The following ARB2A variants were observed in gnomAD, a reference collection of about 807,000 sequenced individuals.
ARB2A encodes the protein cotranscriptional regulator ARB2A.
chr5:93,788,895 A>G, the ARB2A span, among the ~76,000 whole-genome samples: 1 of 152,194 alleles, frequency 6.6e-6, no homozygotes, highest in African/African-American at 2.4e-5. Flanking sequence ...GAAACTCTAA[A>G]TTGGGATGGC....
the ARB2A span, among the ~76,000 whole-genome samples, chr5:93,696,123 G>A: frequency 4.6e-5 from 7 of 152,126 alleles, no homozygotes; most frequent in East Asian, 5.8e-4. Context: ...ACCGTGGCAC[G>A]TGTATACCTA....
chr5:93,720,666 C>A, the ARB2A span, among the ~76,000 whole-genome samples: 1 of 152,170 alleles, frequency 6.6e-6, no homozygotes, highest in Admixed American at 6.5e-5. Flanking sequence ...ATGTTAGTAA[C>A]TTGTGATAAG....
At chr5:93,971,928 C>G in the ARB2A span, among the ~76,000 whole-genome samples, 1 of 152,110 alleles carries the variant, frequency 6.6e-6, no homozygotes, top group African/African-American at 2.4e-5. Context: ...CTACCTGGGT[C>G]AAAGGAAATG....
chr5:93,981,069 A>ATT, the ARB2A span, among the ~76,000 whole-genome samples: 1,440 of 144,152 alleles, frequency 1.0e-2, 10 homozygotes, highest in Non-Finnish European at 0.012. Flanking sequence ...GTATTTCTTA[A>ATT]TTTTTTTTTT....
the ARB2A span, among the ~76,000 whole-genome samples, chr5:93,673,808 G>C: frequency 6.6e-6 from 1 of 151,806 alleles, no homozygotes; most frequent in Non-Finnish European, 1.5e-5. Flanking sequence ...CATGGACAAG[G>C]GTCATTAACA....
chr5:93,845,514 A>C, the ARB2A span, among the ~76,000 whole-genome samples: 2 of 152,250 alleles, frequency 1.3e-5, no homozygotes, highest in Non-Finnish European at 2.9e-5. Context: ...AAGAGGCAGT[A>C]AAAAACCAAG....
At chr5:93,875,757 C>T in the ARB2A span, among the ~76,000 whole-genome samples, 1 of 151,768 alleles carries the variant, frequency 6.6e-6, no homozygotes. Context: ...ACTAACTAAG[C>T]CTCTTTTTCT....
At chr5:93,770,484 G>C in the ARB2A span, among the ~76,000 whole-genome samples, 1 of 152,034 alleles carries the variant, frequency 6.6e-6, no homozygotes, top group Non-Finnish European at 1.5e-5. Flanking sequence ...AGGAAATAAA[G>C]GGTATTCAAT....
chr5:93,714,008 G>A, the ARB2A span, among the ~76,000 whole-genome samples: 2 of 152,284 alleles, frequency 1.3e-5, no homozygotes, highest in African/African-American at 4.8e-5. Flanking sequence ...TGTGCCTGTG[G>A]CCTCCAGCCT....
At chr5:93,810,811 C>A in the ARB2A span, among the ~76,000 whole-genome samples, 1 of 151,920 alleles carries the variant, frequency 6.6e-6, no homozygotes, top group Non-Finnish European at 1.5e-5. Flanking sequence ...GACTTTGGAG[C>A]CAGAAAGCCT....
chr5:93,887,139 C>T, the ARB2A span, among the ~76,000 whole-genome samples: 1 of 151,182 alleles, frequency 6.6e-6, no homozygotes, highest in Non-Finnish European at 1.5e-5. Context: ...ATGGTAGAGT[C>T]AGAAGGTCAT....
At chr5:94,055,731 T>C in the ARB2A span, 1 of 985,334 alleles carries the variant, frequency 1.0e-6, no homozygotes, top group East Asian at 1.1e-4. Flanking sequence ...GTAGCCAGAA[T>C]GTTCTCATTT....
At chr5:94,024,080 A>G in the ARB2A span, among the ~76,000 whole-genome samples, 3 of 152,214 alleles carry the variant, frequency 2.0e-5, no homozygotes, top group Admixed American at 6.5e-5. Flanking sequence ...ACTAAATCAC[A>G]TCTAGGTATG....
chr5:93,835,086 A>G, the ARB2A span, among the ~76,000 whole-genome samples: 34 of 151,760 alleles, frequency 2.2e-4, no homozygotes, highest in East Asian at 5.2e-3. Context: ...TAGGATATTT[A>G]CCCTAGAATT....
chr5:94,067,311 A>G, the ARB2A span, among the ~76,000 whole-genome samples: 14 of 152,240 alleles, frequency 9.2e-5, no homozygotes, highest in African/African-American at 3.1e-4. Context: ...CACTACTCCT[A>G]TTCAGCATGG....
chr5:93,672,639 T>A, the ARB2A span, among the ~76,000 whole-genome samples: 3 of 152,038 alleles, frequency 2.0e-5, no homozygotes, highest in Non-Finnish European at 4.4e-5. Flanking sequence ...CATTAAAAAA[T>A]TTAAGCTAAT....
At chr5:93,695,055 C>T in the ARB2A span, among the ~76,000 whole-genome samples, 16 of 152,304 alleles carry the variant, frequency 1.1e-4, no homozygotes, top group African/African-American at 3.6e-4. Flanking sequence ...GGATTAAAGA[C>T]TTAAACATAA....
At chr5:93,840,027 C>A in the ARB2A span, among the ~76,000 whole-genome samples, 1 of 152,248 alleles carries the variant, frequency 6.6e-6, no homozygotes, top group South Asian at 2.1e-4. Flanking sequence ...TTCAGTTCAG[C>A]TCTGATTTTG....
At chr5:93,953,964 A>G in the ARB2A span, among the ~76,000 whole-genome samples, 1 of 152,084 alleles carries the variant, frequency 6.6e-6, no homozygotes, top group African/African-American at 2.4e-5. Flanking sequence ...CTCAGTATCC[A>G]AGGGCTCTTC....
Sources: gnomAD v4.1 joint callset for allele counts (sites outside exome capture counted in the v4.1 genomes callset) on GRCh38, gnomAD v4.1.1 for gene constraint, MANE v1.5 for transcripts, NCBI Gene and HGNC (gene_info 2026-07-23, HGNC 2026-07-21) for gene names.